Variants in FAM13C observed in about 807,000 individuals in gnomAD.
FAM13C encodes the protein protein FAM13C.
A neutral mutation model predicts 73.2 loss-of-function variants in FAM13C; 37 were observed. That is an observed-to-expected ratio of 0.51 (90% CI 0.39 to 0.67). The LOEUF (loss-of-function observed/expected upper bound fraction) is 0.67. Ranked by LOEUF, FAM13C falls within the 30% of genes least tolerant of loss-of-function variation. The pLI, the probability that FAM13C is intolerant of heterozygous loss-of-function variation, is 0.00. For synonymous variants in FAM13C, 246 were observed against 260.9 expected (o/e 0.94, Z 0.55); for missense variants, 589 against 715.6 (o/e 0.82, Z 2.02).
chr10:59,277,104 T>C (rs1399359619), intron 6 of FAM13C, among the ~76,000 whole-genome samples: 4 of 152,158 alleles, frequency 2.6e-5, no homozygotes, highest in African/African-American at 4.8e-5. Flanking sequence ...GGTTCAATAG[T>C]GGCAGATGAC....
intron 10 of FAM13C, among the ~76,000 whole-genome samples, chr10:59,260,163 T>C (rs1470620735): frequency 2.0e-5 from 3 of 152,058 alleles, no homozygotes; most frequent in Non-Finnish European, 4.4e-5. Flanking sequence ...TCCACTTCTT[T>C]CCCTCTCCAA....
intron 3 of FAM13C, among the ~76,000 whole-genome samples, chr10:59,327,936 G>C (rs749641572): frequency 2.6e-5 from 4 of 152,116 alleles, no homozygotes; most frequent in Non-Finnish European, 5.9e-5. Context: ...CTGACCAAGG[G>C]GACTGAGGGA....
chr10:59,347,684 C>G (rs1308259505), intron 3 of FAM13C, among the ~76,000 whole-genome samples: 1 of 152,006 alleles, frequency 6.6e-6, no homozygotes, highest in East Asian at 1.9e-4. Flanking sequence ...CCTAGCCCCC[C>G]ACCCCGCAAC....
intron 13 of FAM13C, 65 bp downstream of exon 13, chr10:59,251,510 A>C: frequency 7.1e-7 from 1 of 1,400,702 alleles, no homozygotes. Flanking sequence ...AAAAAATTGC[A>C]GCTCATTTTT....
At chr10:59,289,663 G>C (rs1168634048) in intron 5 of FAM13C, among the ~76,000 whole-genome samples, 1 of 152,192 alleles carries the variant, frequency 6.6e-6, no homozygotes, top group Non-Finnish European at 1.5e-5. Context: ...TTGTCATAGG[G>C]CTATGGAGGA....
chr10:59,307,157 A>G (rs1042907113), intron 4 of FAM13C, among the ~76,000 whole-genome samples: 2 of 152,060 alleles, frequency 1.3e-5, no homozygotes, highest in East Asian at 3.9e-4. Context: ...TTGAGGTGAG[A>G]CTGAAATAGA....
chr10:59,255,691 C>G (rs1409101513), intron 10 of FAM13C, among the ~76,000 whole-genome samples: 4 of 152,102 alleles, frequency 2.6e-5, no homozygotes, highest in African/African-American at 9.7e-5. Flanking sequence ...ATCTGTCTCC[C>G]TTGAAAGAAA....
chr10:59,273,414 G>T lies in FAM13C; in HGVS notation c.593-3305C>A, dbSNP rs554273848. 3.9e-5 allele frequency among the ~76,000 whole-genome samples: 6 copies of T among 152,146 alleles called. No homozygotes were observed. The East Asian group carries it at 5.8e-4, about 15-fold the overall frequency. On this transcript the variant is annotated intron_variant, in intron 6 of 13. Coordinates refer to ENST00000618804, the MANE Select transcript of FAM13C (RefSeq NM_198215.4). ...CAACCTCATTTGGAAACCCTACAGG[G>T]TTAATGTGGAAAATAAGAACCAATA...
intron 10 of FAM13C, among the ~76,000 whole-genome samples, chr10:59,262,225 A>G (rs1479910673): frequency 1.3e-5 from 2 of 151,392 alleles, no homozygotes; most frequent in Middle Eastern, 3.2e-3. Context: ...TCAACACACA[A>G]CACTATAACC....
chr10:59,350,138 G>A (rs1482981636), intron 3 of FAM13C, among the ~76,000 whole-genome samples: 1 of 152,198 alleles, frequency 6.6e-6, no homozygotes, highest in African/African-American at 2.4e-5. Context: ...TGAGAATGAA[G>A]CTCATTGTAT....
At chr10:59,287,143 C>G (rs926212694) in intron 5 of FAM13C, among the ~76,000 whole-genome samples, 1 of 150,916 alleles carries the variant, frequency 6.6e-6, no homozygotes, top group African/African-American at 2.4e-5. Flanking sequence ...TCGAGACCAG[C>G]CTGACCAATA....
intron 10 of FAM13C, among the ~76,000 whole-genome samples, chr10:59,259,815 T>C (rs1842315452): frequency 6.6e-6 from 1 of 152,158 alleles, no homozygotes; most frequent in Admixed American, 6.6e-5. Flanking sequence ...TTTGCATGTG[T>C]CTATTTGACT....
chr10:59,275,336 G>A (rs987091031), intron 6 of FAM13C, among the ~76,000 whole-genome samples: 2 of 152,150 alleles, frequency 1.3e-5, no homozygotes, highest in African/African-American at 2.4e-5. Context: ...TAGAGCCAGA[G>A]GAACGTATGA....
At chr10:59,327,560 T>TC (rs1215459515) in intron 3 of FAM13C, 6 of 115,548 alleles carry the variant, frequency 5.2e-5, no homozygotes, top group African/African-American at 1.9e-4. Context: ...TAACATTTTG[T>TC]CCCCACCCCC....
chr10:59,248,561 A>AGAT (rs1476321498), intron 13 of FAM13C, among the ~76,000 whole-genome samples: 7 of 152,194 alleles, frequency 4.6e-5, no homozygotes, highest in East Asian at 1.9e-4. Flanking sequence ...TTGGTTAATA[A>AGAT]GATAGCCAAT....
chr10:59,313,124 T>C (rs1849127150), intron 4 of FAM13C, among the ~76,000 whole-genome samples: 1 of 152,170 alleles, frequency 6.6e-6, no homozygotes, highest in African/African-American at 2.4e-5. Context: ...TGAAAAGCTG[T>C]TGTATTAGCG....
At chr10:59,293,537 T>G (rs932513841) in intron 5 of FAM13C, among the ~76,000 whole-genome samples, 1 of 152,228 alleles carries the variant, frequency 6.6e-6, no homozygotes, top group Non-Finnish European at 1.5e-5. Context: ...TTCCATTGTA[T>G]ATAAGTACCA....
intron 3 of FAM13C, among the ~76,000 whole-genome samples, chr10:59,341,693 G>A (rs564819135): frequency 3.3e-5 from 5 of 151,672 alleles, no homozygotes; most frequent in Non-Finnish European, 7.4e-5. Context: ...CCTCCTTCTC[G>A]AAAAAAGGAA....
At chr10:59,355,696 T>C (rs937853300) in intron 2 of FAM13C, among the ~76,000 whole-genome samples, 191 bp downstream of exon 2, 6 of 152,162 alleles carry the variant, frequency 3.9e-5, no homozygotes, top group Admixed American at 3.3e-4. Context: ...ACTGTCCTGA[T>C]TGCTAAGAGG....
Sources: allele counts gnomAD v4.1 joint callset (sites outside exome capture counted in the v4.1 genomes callset), GRCh38; gene constraint gnomAD v4.1.1; transcripts MANE v1.5; gene names NCBI Gene and HGNC (gene_info 2026-07-23, HGNC 2026-07-21).